Variants in TRMT1 observed in about 807,000 individuals in gnomAD.
TRMT1 encodes the protein tRNA (guanine(26)-N(2))-dimethyltransferase.
Under a neutral mutation model 75.4 loss-of-function variants are expected in TRMT1, and 63 were observed. The observed-to-expected ratio is 0.84, with a 90% CI of 0.68 to 1.03. The LOEUF (loss-of-function observed/expected upper bound fraction) is 1.03, where lower values mean the gene tolerates loss of function less well. TRMT1 is among the 50% of genes least tolerant of loss of function. The pLI, the probability that TRMT1 is intolerant of heterozygous loss-of-function variation, is 0.00. For missense variants in TRMT1, 870 were observed against 905.3 expected (o/e 0.96, Z 0.50); for synonymous variants, 382 against 358.1 (o/e 1.07, Z -0.75).
At chr19:13,116,505 T>A in intron 1 of TRMT1, 74 bp from the exon 2 acceptor site, 8 of 1,440,444 alleles carry the variant, frequency 5.6e-6, no homozygotes, top group Non-Finnish European at 7.4e-6. Context: ...GTCCTACATA[T>A]CTATGAGGTA....
intron 5 of TRMT1, among the ~76,000 whole-genome samples, chr19:13,113,537 A>G (rs2019220975): frequency 6.6e-6 from 1 of 152,068 alleles, no homozygotes; most frequent in Non-Finnish European, 1.5e-5. Context: ...CACATCTAAA[A>G]CAACAACAAT....
chr19:13,111,598 A>G (rs1420787119), intron 7 of TRMT1, among the ~76,000 whole-genome samples: 2 of 137,558 alleles, frequency 1.5e-5, no homozygotes, highest in African/African-American at 2.8e-5. Flanking sequence ...GGGTTTCACC[A>G]TGTTGGCCAG....
At chr19:13,115,950 T>C (rs2019331110) in intron 3 of TRMT1, 47 bp downstream of exon 3, 1 of 1,613,428 alleles carries the variant, frequency 6.2e-7, no homozygotes, top group African/African-American at 1.3e-5. Context: ...GGCAGGGAGA[T>C]AAACTTGTGT....
At chr19:13,107,984 T>TA in intron 12 of TRMT1, 125 bp from the exon 13 acceptor site, 11 of 572,036 alleles carry the variant, frequency 1.9e-5, no homozygotes, top group Non-Finnish European at 2.7e-5. Flanking sequence ...TCTTTTCTTT[T>TA]CTTTTTTTTT....
At chr19:13,114,668 T>A (rs9783945) in intron 5 of TRMT1, among the ~76,000 whole-genome samples, 33,207 of 130,576 alleles carry the variant, frequency 0.25, 4,051 homozygotes, top group Non-Finnish European at 0.27. Context: ...TGTCAAAAAA[T>A]AAATAAATAA....
chr19:13,105,746 A>G (rs2018838994), intron 14 of TRMT1, 140 bp from the exon 15 acceptor site: 1 of 931,548 alleles, frequency 1.1e-6, no homozygotes, highest in Non-Finnish European at 1.6e-6. Flanking sequence ...CATCTAATAA[A>G]CATTTTTGGT....
intron 4 of TRMT1, 56 bp from the exon 5 acceptor site, chr19:13,115,522 C>G: frequency 1.3e-6 from 2 of 1,597,492 alleles, no homozygotes; most frequent in Non-Finnish European, 8.5e-7. Flanking sequence ...CTCTTCTGGG[C>G]CCCAAGGAGC....
Position 13,109,754 on chromosome 19 carries a change from CT to C in TRMT1, c.1176+14del, listed in dbSNP as rs2019057695. 1.2e-6 allele frequency: 2 copies of C among 1,613,994 alleles called. No individual in the cohort carries two copies. The highest frequency in any genetic ancestry group is 1.7e-6 in the Non-Finnish European group (2 of 1,180,008). ...AGACCCTCTTGCTCCTTTGCCTCCCCTGGCCTAGCCCTACCTGGTGTCGTTG... is the reference window on the plus strand; with the variant it reads ...AGACCCTCTTGCTCCTTTGCCTCCCCGGCCTAGCCCTACCTGGTGTCGTTG... On this transcript the variant is annotated intron_variant, in intron 10 of 16. Coordinates refer to ENST00000357720, the MANE Select transcript of TRMT1 (RefSeq NM_001136035.4).
At chr19:13,114,972 G>C (rs1221163190) in intron 5 of TRMT1, among the ~76,000 whole-genome samples, 1 of 152,142 alleles carries the variant, frequency 6.6e-6, no homozygotes, top group Non-Finnish European at 1.5e-5. Flanking sequence ...CTTGAAAACG[G>C]TGCCTGACAC....
rs201563082 is a variant in TRMT1, at chr19:13,109,967, C to G, written c.1054G>C (p.Gly352Arg). ...CCGAGACGCTGAAGGTGGAAGGCCC[C>G]GCAGCCCACACACTGGAACACCAGC... ...QALVFQCVGCGAFHLQRLGKA... is the reference protein window; with the variant it reads ...QALVFQCVGCRAFHLQRLGKA... The change falls in exon 9 of 17, where the codon GGG becomes CGG. Residue 352 changes from glycine to arginine, a missense_variant. Gly to Arg is a moderately radical substitution (Grantham distance 125, BLOSUM62 -2). Coordinates refer to ENST00000357720, the MANE Select transcript of TRMT1 (RefSeq NM_001136035.4). The G allele has an allele frequency of 6.2e-7, 1 of 1,613,604 alleles. No individual in the cohort carries two copies. The highest frequency in any genetic ancestry group is 2.2e-5 in the East Asian group (1 of 44,890).
At position 13,109,372 on chromosome 19, in the gene TRMT1, G is replaced by A. The variant is rs747271658; in HGVS notation, c.1397+9C>T. ...GGGACAGGCTCCTCCCGACCCCAGG[G>A]GCTCTTACCGCAACTGCAGGAGGCT... On this transcript the variant is annotated intron_variant, in intron 12 of 16. Transcript: ENST00000357720. The A allele has an allele frequency of 7.4e-6, 12 of 1,612,116 alleles. No homozygotes were observed. The highest frequency in any genetic ancestry group is 1.0e-5 in the Non-Finnish European group (12 of 1,179,966).
intron 1 of TRMT1, 73 bp from the exon 2 acceptor site, chr19:13,116,504 A>C: frequency 6.9e-7 from 1 of 1,443,426 alleles, no homozygotes; most frequent in Admixed American, 2.3e-5. Context: ...TGTCCTACAT[A>C]TCTATGAGGT....
Position 13,112,697 on chromosome 19 carries a change from C to T in TRMT1, c.870+8G>A, listed in dbSNP as rs1481789497. 1.2e-6 allele frequency: 2 copies of T among 1,609,144 alleles called. No homozygotes were observed. Among genetic ancestry groups the T allele is most frequent in the East Asian group, 2.2e-5 (1 of 44,886 alleles). On this transcript the variant is annotated splice_region_variant and intron_variant, in intron 7 of 16. Coordinates refer to ENST00000357720, the MANE Select transcript of TRMT1 (RefSeq NM_001136035.4). ...GTCTCCCTGGCTGGCTGGCAGAGGGCCCCTCACCATCTCGTGGCAGGCCCG... is the reference window on the plus strand; with the variant it reads ...GTCTCCCTGGCTGGCTGGCAGAGGGTCCCTCACCATCTCGTGGCAGGCCCG...
Position 13,115,666 on chromosome 19 carries a change from C to T in TRMT1, c.413G>A (p.Gly138Glu), listed in dbSNP as rs951896449. ...ELKESENLAS[G>E]DQPRTAAVGE... ...CACGGCCGCTGTGCGAGGTTGGTCT[C>T]CTGAGGCCAGGTTTTCACTCTCTTT... The change falls in exon 4 of 17, where the codon GGA (glycine) becomes GAA (glutamate). Residue 138 changes from glycine to glutamate, a missense_variant. Coordinates refer to ENST00000357720, the MANE Select transcript of TRMT1 (RefSeq NM_001136035.4). 1.2e-6 allele frequency: 2 copies of T among 1,614,064 alleles called. No individual in the cohort carries two copies. The highest frequency in any genetic ancestry group is 1.7e-6 in the Non-Finnish European group (2 of 1,180,018).
intron 14 of TRMT1, among the ~76,000 whole-genome samples, chr19:13,106,207 G>A (rs951021017): frequency 6.7e-6 from 1 of 150,340 alleles, no homozygotes; most frequent in African/African-American, 2.4e-5. Context: ...TAGCTGGGAC[G>A]ACAGGCAGGT....
chr19:13,105,931 G>C (rs1200510458), intron 14 of TRMT1, among the ~76,000 whole-genome samples: 3 of 152,024 alleles, frequency 2.0e-5, no homozygotes, highest in African/African-American at 7.2e-5. Context: ...GCGTGGTGCC[G>C]GGTGCCTGTG....
chr19:13,108,886 A>C lies in TRMT1; in HGVS notation c.1397+495T>G, dbSNP rs950074702. 2.0e-5 allele frequency among the ~76,000 whole-genome samples: 3 copies of C among 149,392 alleles called. No individual in the cohort carries two copies. In the East Asian group the frequency reaches 5.8e-4, roughly 29 times the overall value. On this transcript the variant is annotated intron_variant, in intron 12 of 16. Transcript: ENST00000357720. ...CAGCCTCCCAAAGTGCTGGGAATAT[A>C]GGCATGAGCCAATAAGCCTGGCCTA...
At chr19:13,106,920 T>TTCACG (rs2018899908) in intron 14 of TRMT1, among the ~76,000 whole-genome samples, 1 of 149,898 alleles carries the variant, frequency 6.7e-6, no homozygotes, top group Non-Finnish European at 1.5e-5. Flanking sequence ...CCCCCCGGGG[T>TTCACG]TCACGCCATT....
At chr19:13,105,994 G>A (rs1426353507) in intron 14 of TRMT1, among the ~76,000 whole-genome samples, 2 of 152,016 alleles carry the variant, frequency 1.3e-5, no homozygotes, top group South Asian at 2.1e-4. Flanking sequence ...CCTGGGAGGC[G>A]GAGGTTGCAG....
Sources: gnomAD v4.1 joint callset for allele counts (sites outside exome capture counted in the v4.1 genomes callset) on GRCh38, gnomAD v4.1.1 for gene constraint, MANE v1.5 for transcripts, NCBI Gene and HGNC (gene_info 2026-07-23, HGNC 2026-07-21) for gene names.